The following TBC1D1 variants were observed in gnomAD, a reference collection of about 807,000 sequenced individuals.
The protein encoded by TBC1D1 is TBC1 (tre-2/USP6, BUB2, cdc16) domain family, member 1.
TBC1D1 carries 89 observed loss-of-function variants against 125.6 expected under a neutral mutation model. The ratio of observed to expected loss-of-function variants is 0.71; its 90% CI spans 0.60 to 0.85. The LOEUF is 0.85. Among genes scored for constraint, TBC1D1 ranks in the 40% least tolerant of loss-of-function variants. The pLI, the probability that TBC1D1 is intolerant of heterozygous loss-of-function variation, is 0.00. For missense variants in TBC1D1, 1,377 were observed against 1,469.2 expected (o/e 0.94, Z 1.03); for synonymous variants, 565 against 564.1 (o/e 1.00, Z -0.02).
chr4:38,052,726 GCGCACACACA>G lies in TBC1D1; in HGVS notation c.1911-1471_1911-1462del, dbSNP rs1291481220. Reference sequence around the variant, plus strand: ...TATACACACACACGCGCGCGCGCGCGCGCACACACACACACACACACACACACACACACAC... The same window carrying G: ...TATACACACACACGCGCGCGCGCGCGCACACACACACACACACACACACAC... On this transcript the variant is annotated intron_variant, in intron 11 of 19. Coordinates refer to ENST00000261439, the MANE Select transcript of TBC1D1 (RefSeq NM_015173.4). 1.4e-3 allele frequency among the ~76,000 whole-genome samples: 97 copies of G among 69,006 alleles called. 1 individual carries two copies. The highest frequency in any genetic ancestry group is 0.011 in the Admixed American group (82 of 7,196). The allele number at this position is 69,006 out of a possible 152,430, so 45.3% of individuals were successfully genotyped here. A position where few individuals can be genotyped will look rare whatever the true frequency, so the allele number is the denominator to read the frequency against.
At chr4:38,086,888 G>A (rs896682869) in intron 12 of TBC1D1, among the ~76,000 whole-genome samples, 2 of 152,192 alleles carry the variant, frequency 1.3e-5, no homozygotes, top group African/African-American at 2.4e-5. Context: ...GCTTGTGCAT[G>A]TAGAAGTTAG....
intron 8 of TBC1D1, among the ~76,000 whole-genome samples, chr4:38,036,554 C>T (rs989619731): frequency 6.6e-6 from 1 of 152,234 alleles, no homozygotes; most frequent in Non-Finnish European, 1.5e-5. Context: ...GTTCCAAAGA[C>T]ACTTGTGTGC....
At chr4:37,901,346 G>C (rs908191323) in intron 1 of TBC1D1, among the ~76,000 whole-genome samples, 1 of 151,748 alleles carries the variant, frequency 6.6e-6, no homozygotes, top group African/African-American at 2.4e-5. Flanking sequence ...TAGTAGAGAC[G>C]GGGTTTCACC....
chr4:38,044,978 G>A (rs1308001215), intron 9 of TBC1D1, among the ~76,000 whole-genome samples: 1 of 152,208 alleles, frequency 6.6e-6, no homozygotes, highest in Non-Finnish European at 1.5e-5. Flanking sequence ...TCATTTTCCA[G>A]TTATCTAAGG....
At chr4:38,004,338 C>T (rs1448061397) in intron 2 of TBC1D1, among the ~76,000 whole-genome samples, 1 of 152,106 alleles carries the variant, frequency 6.6e-6, no homozygotes, top group Non-Finnish European at 1.5e-5. Context: ...TTTGTACTTC[C>T]CTCCCTCCCT....
Position 38,048,541 on chromosome 4 carries a change from C to CTTT in TBC1D1, c.1630-1064_1630-1062dup, listed in dbSNP as rs545432990. 1.5e-3 allele frequency among the ~76,000 whole-genome samples: 199 copies of CTTT among 131,910 alleles called. 3 individuals carry two copies. Among genetic ancestry groups the CTTT allele is most frequent in the South Asian group, 4.9e-3 (20 of 4,086 alleles). 86.5% of individuals were successfully genotyped at this position (131,910 alleles called of 152,430 possible). ...ACTTCTCCCTTTGGTAAACACATTTCTTTTTTTTTTTTTTTCAAATTAAAA... is the reference window on the plus strand; with the variant it reads ...ACTTCTCCCTTTGGTAAACACATTTCTTTTTTTTTTTTTTTTTTCAAATTAAAA... On this transcript the variant is annotated intron_variant, in intron 10 of 19. Coordinates refer to ENST00000261439, the MANE Select transcript of TBC1D1 (RefSeq NM_015173.4).
At chr4:38,054,469 G>A (rs957491318) in intron 12 of TBC1D1, 131 bp downstream of exon 14, 2 of 1,186,526 alleles carry the variant, frequency 1.7e-6, no homozygotes, top group Non-Finnish European at 2.3e-6. Flanking sequence ...AATCACAAAG[G>A]TAACTAGGGA....
intron 12 of TBC1D1, among the ~76,000 whole-genome samples, chr4:38,087,419 G>A (rs961486538): frequency 6.6e-5 from 10 of 152,130 alleles, no homozygotes; most frequent in South Asian, 2.1e-4. Context: ...TTGTGATTCC[G>A]AATTTGAAAG....
chr4:37,998,151 A>T (rs1292585553), intron 2 of TBC1D1, among the ~76,000 whole-genome samples: 5 of 152,098 alleles, frequency 3.3e-5, no homozygotes, highest in African/African-American at 1.2e-4. Flanking sequence ...CCACTGCCCT[A>T]GGTGAGATCG....
intron 4 of TBC1D1, among the ~76,000 whole-genome samples, chr4:38,019,770 CATGGT>C (rs1743604222): frequency 6.6e-6 from 1 of 152,080 alleles, no homozygotes; most frequent in Admixed American, 6.5e-5. Context: ...CTTATGATAC[CATGGT>C]AGAGCCTTGG....
At position 38,115,774 on chromosome 4, in the gene TBC1D1, C is replaced by G; in HGVS notation, c.2622C>G (p.Tyr874Ter). Residue 874 changes from tyrosine (Y) to a stop codon, truncating the protein, a stop_gained, in exon 16 of 20, where the codon TAC (tyrosine) becomes TAG (stop). Transcript: ENST00000261439. LOFTEE classifies it high-confidence loss of function. ...TTGGAGCAGGACAGCTATCGCTTTA[C>G]AACATTTTGAAGGCCTACTCACTTC... 6.2e-7 allele frequency: 1 copy of G among 1,614,164 alleles called. No individual in the cohort carries two copies. The highest frequency in any genetic ancestry group is 8.5e-7 in the Non-Finnish European group (1 of 1,180,024).
At chr4:38,109,927 G>C (rs891425178) in intron 15 of TBC1D1, among the ~76,000 whole-genome samples, 1 of 152,236 alleles carries the variant, frequency 6.6e-6, no homozygotes, top group African/African-American at 2.4e-5. Flanking sequence ...GAATCTTAGA[G>C]ATCATTAGGT....
intron 12 of TBC1D1, among the ~76,000 whole-genome samples, chr4:38,074,418 G>A (rs938501766): frequency 1.3e-5 from 2 of 152,170 alleles, no homozygotes; most frequent in African/African-American, 4.8e-5. Context: ...GTGGCCATCT[G>A]AGCACACAAT....
chr4:37,929,524 G>T (rs1722826787), intron 2 of TBC1D1, among the ~76,000 whole-genome samples: 1 of 152,190 alleles, frequency 6.6e-6, no homozygotes, highest in Non-Finnish European at 1.5e-5. Flanking sequence ...CCTGATGCAG[G>T]TGGTTGTAGG....
chr4:38,056,814 T>G (rs10023770), intron 12 of TBC1D1, among the ~76,000 whole-genome samples: 53,298 of 149,340 alleles, frequency 0.36, 9,837 homozygotes, highest in East Asian at 0.63. Flanking sequence ...TCTCGCGGGG[T>G]GGGGGAGTCA....
At chr4:38,054,059 T>C in intron 11 of TBC1D1, 140 bp from the exon 14 acceptor site, 6 of 920,636 alleles carry the variant, frequency 6.5e-6, no homozygotes, top group Non-Finnish European at 1.0e-5. Flanking sequence ...CACTGTGAGC[T>C]TGATATAACT....
At chr4:38,073,128 G>A (rs574955985) in intron 12 of TBC1D1, among the ~76,000 whole-genome samples, 3 of 152,246 alleles carry the variant, frequency 2.0e-5, no homozygotes, top group Non-Finnish European at 2.9e-5. Flanking sequence ...CAGTTCTTTC[G>A]GATATGTACC....
chr4:38,138,354 A>G lies in TBC1D1; in HGVS notation c.*1019A>G, dbSNP rs917577871. 6 of 152,346 alleles carry G rather than the reference A, an allele frequency of 3.9e-5. No homozygotes were observed. Among genetic ancestry groups the G allele is most frequent in the Non-Finnish European group, 4.4e-5 (3 of 68,032 alleles). The allele number at this position is 152,346 out of a possible 1,614,324, so 9.4% of individuals were successfully genotyped here. ...TTTATTTTTGCCTGTTGTGTGATGT[A>G]ATGCAATCATGTTCCTTTGAGTCTC... On this transcript the variant is annotated 3_prime_UTR_variant, in exon 20 of 20. Coordinates refer to ENST00000261439, the MANE Select transcript of TBC1D1 (RefSeq NM_015173.4).
chr4:37,898,040 T>A (rs1362199208), intron 1 of TBC1D1, among the ~76,000 whole-genome samples: 1 of 152,236 alleles, frequency 6.6e-6, no homozygotes, highest in African/African-American at 2.4e-5. Flanking sequence ...AAAAATTAGC[T>A]ATGAGTTATG....
Sources: gnomAD v4.1 joint callset for allele counts (sites outside exome capture counted in the v4.1 genomes callset) on GRCh38, gnomAD v4.1.1 for gene constraint, MANE v1.5 for transcripts, NCBI Gene and HGNC (gene_info 2026-07-23, HGNC 2026-07-21) for gene names.